Variants in PPFIBP1 observed in about 807,000 individuals in gnomAD.
PPFIBP1 encodes liprin-beta-1.
A neutral mutation model predicts 137.8 loss-of-function variants in PPFIBP1; 112 were observed. The ratio of observed to expected loss-of-function variants is 0.81; its 90% confidence interval spans 0.70 to 0.95. PPFIBP1 has a LOEUF of 0.95. PPFIBP1 is among the 40% of genes least tolerant of loss of function. The pLI is 0.00. For synonymous variants in PPFIBP1, 378 were observed against 417.3 expected (o/e 0.91, Z 1.15); for missense variants, 1,083 against 1,196.6 (o/e 0.91, Z 1.40).
intron 1 of PPFIBP1, among the ~76,000 whole-genome samples, chr12:27,561,188 T>G (rs150619499): frequency 3.3e-5 from 5 of 152,290 alleles, no homozygotes; most frequent in Non-Finnish European, 7.3e-5. Context: ...AAGGGGTTTC[T>G]AGAGATAAGC....
At chr12:27,584,314 C>T (rs1406323263) in intron 2 of PPFIBP1, 4 of 152,218 alleles carry the variant, frequency 2.6e-5, no homozygotes, top group East Asian at 1.9e-4. Context: ...AAGGGTTGAT[C>T]GACAAGTACA....
At chr12:27,677,434 C>A in intron 19 of PPFIBP1, 1 of 332,618 alleles carries the variant, frequency 3.0e-6, no homozygotes, top group Non-Finnish European at 5.6e-6. Context: ...TTACCACACA[C>A]TAACTCCCAG....
At chr12:27,616,831 G>A (rs1361754518) in intron 2 of PPFIBP1, among the ~76,000 whole-genome samples, 2 of 152,198 alleles carry the variant, frequency 1.3e-5, no homozygotes, top group African/African-American at 4.8e-5. Flanking sequence ...GTAATCTGCT[G>A]AGATTAAGTG....
At chr12:27,692,741 G>T in intron 29 of PPFIBP1, 55 bp from the exon 30 acceptor site, 2 of 1,613,984 alleles carry the variant, frequency 1.2e-6, no homozygotes, top group Middle Eastern at 1.6e-4. Context: ...CTTGGAGAAT[G>T]TGTAGCTCTG....
intron 27 of PPFIBP1, among the ~76,000 whole-genome samples, chr12:27,690,716 G>C (rs897604209): frequency 6.6e-6 from 1 of 152,178 alleles, no homozygotes; most frequent in Non-Finnish European, 1.5e-5. Context: ...CAGTTGTTCT[G>C]TTTTTATAAA....
At chr12:27,645,459 G>C (rs1258421778) in intron 4 of PPFIBP1, among the ~76,000 whole-genome samples, 10 of 152,230 alleles carry the variant, frequency 6.6e-5, no homozygotes, top group African/African-American at 2.4e-4. Context: ...AAAAAGTGTG[G>C]GGGGCAGGAG....
intron 1 of PPFIBP1, among the ~76,000 whole-genome samples, chr12:27,550,516 G>GT (rs917005065): frequency 6.6e-5 from 10 of 152,172 alleles, no homozygotes; most frequent in African/African-American, 2.4e-4. Flanking sequence ...AAATGCAATG[G>GT]TGTTAGGGGT....
intron 19 of PPFIBP1, chr12:27,678,090 T>A (rs2060636995): frequency 6.6e-6 from 1 of 152,260 alleles, no homozygotes; most frequent in Admixed American, 6.5e-5. Flanking sequence ...ATCACAGCTC[T>A]GCTTTGTAGA....
intron 5 of PPFIBP1, 48 bp downstream of exon 5, chr12:27,646,196 GC>G: frequency 6.8e-7 from 1 of 1,474,044 alleles, no homozygotes; most frequent in South Asian, 1.2e-5. Flanking sequence ...TACTTACAAA[GC>G]CTTTTAAATT....
intron 16 of PPFIBP1, 108 bp from the exon 17 acceptor site, chr12:27,674,084 T>C (rs2060358852): frequency 1.1e-6 from 1 of 931,854 alleles, no homozygotes; most frequent in Admixed American, 2.9e-5. Flanking sequence ...TTTTGTAGCT[T>C]AGAAGTAGAT....
At chr12:27,630,434 C>T (rs540702446) in intron 2 of PPFIBP1, among the ~76,000 whole-genome samples, 2 of 152,034 alleles carry the variant, frequency 1.3e-5, no homozygotes, top group South Asian at 4.2e-4. Context: ...TTAAATAAAC[C>T]CGCTCCTGCT....
At chr12:27,570,380 A>G (rs905438048) in intron 1 of PPFIBP1, among the ~76,000 whole-genome samples, 2 of 152,220 alleles carry the variant, frequency 1.3e-5, no homozygotes, top group East Asian at 1.9e-4. Context: ...TTGACAGATC[A>G]TATAGCTAAA....
chr12:27,599,558 T>C (rs1416850189), intron 2 of PPFIBP1: 1 of 453,624 alleles, frequency 2.2e-6, no homozygotes, highest in African/African-American at 2.0e-5. Flanking sequence ...TTTTCTTTCA[T>C]CTTTCTCCTT....
intron 4 of PPFIBP1, chr12:27,635,326 T>G (rs1257779879): frequency 1.7e-6 from 1 of 605,492 alleles, no homozygotes; most frequent in African/African-American, 1.9e-5. Flanking sequence ...CAACAACAGG[T>G]CACCTGATTC....
At chr12:27,613,649 G>A (rs2055403278) in intron 2 of PPFIBP1, among the ~76,000 whole-genome samples, 1 of 149,796 alleles carries the variant, frequency 6.7e-6, no homozygotes, top group Admixed American at 6.7e-5. Flanking sequence ...GTTGCCATGA[G>A]CCCAGATCTC....
chr12:27,617,422 C>T (rs1339224583), intron 2 of PPFIBP1, among the ~76,000 whole-genome samples: 5 of 152,162 alleles, frequency 3.3e-5, no homozygotes, highest in Admixed American at 6.5e-5. Flanking sequence ...CAAATGGAAG[C>T]TCCTCAGTTC....
At chr12:27,672,138 G>T (rs1593283323) in intron 14 of PPFIBP1, among the ~76,000 whole-genome samples, 1 of 152,104 alleles carries the variant, frequency 6.6e-6, no homozygotes, top group Non-Finnish European at 1.5e-5. Flanking sequence ...AACTGTCAAA[G>T]GATTGTAAAC....
At chr12:27,633,579 G>C (rs1195097832) in intron 3 of PPFIBP1, 119 bp downstream of exon 3, 2 of 738,662 alleles carry the variant, frequency 2.7e-6, no homozygotes, top group Non-Finnish European at 4.3e-6. Flanking sequence ...TATGCCTTTT[G>C]CTTCCCTGTA....
chr12:27,573,448 A>G (rs187119163), intron 1 of PPFIBP1, among the ~76,000 whole-genome samples: 3 of 152,272 alleles, frequency 2.0e-5, no homozygotes, highest in Admixed American at 6.5e-5. Context: ...TTGGTAGTAG[A>G]GGAGAAAATA....
Sources: allele counts gnomAD v4.1 joint callset (sites outside exome capture counted in the v4.1 genomes callset), GRCh38; gene constraint gnomAD v4.1.1; transcripts MANE v1.5; gene names NCBI Gene and HGNC (gene_info 2026-07-23, HGNC 2026-07-21).